PTN: variants seen among roughly 807,000 people sequenced by gnomAD.
The protein encoded by PTN is heparin affin regulatory protein.
PTN carries 18 observed loss-of-function variants against 24.1 expected under a neutral mutation model. The ratio of observed to expected loss-of-function variants is 0.75; its 90% CI spans 0.52 to 1.11. The LOEUF (loss-of-function observed/expected upper bound fraction) is 1.11, where lower values mean the gene tolerates loss of function less well. PTN is among the 50% of genes least tolerant of loss of function. The pLI is 0.00. For missense variants in PTN, 163 were observed against 198.8 expected (o/e 0.82, Z 1.08); for synonymous variants, 78 against 68.6 (o/e 1.14, Z -0.67).
Position 137,255,020 on chromosome 7 carries a change from C to T in PTN, c.-1-46G>A, listed in dbSNP as rs563881027. The T allele has an allele frequency of 3.2e-5, 44 of 1,371,710 alleles. 1 individual carries two copies. The South Asian group carries it at 6.8e-4, about 21-fold the overall frequency. The allele number at this position is 1,371,710 out of a possible 1,614,324, so 85.0% of individuals were successfully genotyped here. On this transcript the variant is annotated intron_variant, in intron 1 of 4. Transcript: ENST00000348225. ...AGAAGAAGGTGGCATTAACCTAAGT[C>T]AGAAAGGAAGATTCATTGAACCCTT...
chr7:137,328,813 T>A (rs542635078), intron 1 of PTN, among the ~76,000 whole-genome samples: 2 of 152,268 alleles, frequency 1.3e-5, no homozygotes, highest in African/African-American at 2.4e-5. Flanking sequence ...AGGAGGGTAA[T>A]CTAACAGCAA....
chr7:137,260,544 T>A (rs1809017145), intron 1 of PTN, among the ~76,000 whole-genome samples: 1 of 152,154 alleles, frequency 6.6e-6, no homozygotes, highest in Admixed American at 6.6e-5. Context: ...AACTGATACA[T>A]CTTTCAATTT....
At chr7:137,262,685 C>T (rs934537085) in intron 1 of PTN, among the ~76,000 whole-genome samples, 1 of 152,108 alleles carries the variant, frequency 6.6e-6, no homozygotes, top group Non-Finnish European at 1.5e-5. Context: ...ATGAGAGGGT[C>T]GTGATTGATT....
rs753374720 is a variant in PTN at position 137,283,952 on chromosome 7, ATTTTTTTTTTTTTTTTT to A, written c.-1-28995_-1-28979del. Among the ~76,000 whole-genome samples, 58 of 48,922 alleles carry A rather than the reference ATTTTTTTTTTTTTTTTT, an allele frequency of 1.2e-3. 5 individuals carry two copies. Among genetic ancestry groups the A allele is most frequent in the Admixed American group, 6.8e-3 (19 of 2,802 alleles). 32.1% of individuals were successfully genotyped at this position (48,922 alleles called of 152,430 possible). A position where few individuals can be genotyped will look rare whatever the true frequency, so the allele number is the denominator to read the frequency against. On this transcript the variant is annotated intron_variant, in intron 1 of 4. Transcript: ENST00000348225. The stretch of plus-strand genomic sequence containing the variant: ...AAATGAATGTGAAAATGAGCATCAG[ATTTTTTTTTTTTTTTTT>A]TTTTTTTTTTTTTTTTTTTGAGATA...
At chr7:137,262,474 T>C (rs1284873420) in intron 1 of PTN, among the ~76,000 whole-genome samples, 1 of 152,160 alleles carries the variant, frequency 6.6e-6, no homozygotes, top group Non-Finnish European at 1.5e-5. Context: ...ATTGTTTTCT[T>C]AGTGTTTTCT....
chr7:137,240,471 C>A (rs897736782), intron 4 of PTN, among the ~76,000 whole-genome samples: 2 of 152,168 alleles, frequency 1.3e-5, no homozygotes, highest in African/African-American at 4.8e-5. Context: ...ATTAATTTAT[C>A]CCTGGTGCTA....
At chr7:137,266,890 T>C (rs1420972530) in intron 1 of PTN, among the ~76,000 whole-genome samples, 1 of 87,722 alleles carries the variant, frequency 1.1e-5, no homozygotes, top group African/African-American at 3.7e-5. Context: ...TTTTTTTTTT[T>C]CCTGTTAGCA....
chr7:137,251,405 A>G lies in PTN; in HGVS notation c.290-14T>C. On this transcript the variant is annotated splice_polypyrimidine_tract_variant and intron_variant, in intron 3 of 4. Coordinates refer to ENST00000348225, the MANE Select transcript of PTN (RefSeq NM_002825.7). The stretch of plus-strand genomic sequence containing the variant: ...ATTTGCACTCCGCTAAAGGCAGGGT[A>G]GAACCAAACAGAAATCCTTGAAAGA... 1 of 1,609,646 alleles carries G rather than the reference A, an allele frequency of 6.2e-7. No individual in the cohort carries two copies. Among genetic ancestry groups the G allele is most frequent in the African/African-American group, 1.3e-5 (1 of 74,948 alleles).
intron 4 of PTN, among the ~76,000 whole-genome samples, chr7:137,238,331 G>T (rs1462628338): frequency 4.6e-5 from 7 of 152,138 alleles, no homozygotes; most frequent in Non-Finnish European, 1.0e-4. Context: ...AGAGCTCTGG[G>T]TTAACAAGTC....
chr7:137,312,650 G>A (rs892638680), intron 1 of PTN, among the ~76,000 whole-genome samples: 5 of 151,974 alleles, frequency 3.3e-5, no homozygotes, highest in African/African-American at 7.3e-5. Flanking sequence ...AACCACTGGA[G>A]AGATTTTCAA....
At chr7:137,233,853 T>G (rs765147744) in intron 4 of PTN, among the ~76,000 whole-genome samples, 9 of 150,750 alleles carry the variant, frequency 6.0e-5, no homozygotes, top group Admixed American at 2.0e-4. Flanking sequence ...CTTGTCTCAT[T>G]TAAAAAGTAT....
At chr7:137,266,261 T>C (rs1226577994) in intron 1 of PTN, among the ~76,000 whole-genome samples, 1 of 152,210 alleles carries the variant, frequency 6.6e-6, no homozygotes, top group Non-Finnish European at 1.5e-5. Context: ...AATTAACGTT[T>C]TAAAACTTGC....
At chr7:137,311,436 A>G (rs573875606) in intron 1 of PTN, among the ~76,000 whole-genome samples, 1 of 152,136 alleles carries the variant, frequency 6.6e-6, no homozygotes, top group African/African-American at 2.4e-5. Flanking sequence ...TTTCCTTTGC[A>G]TTCACAATTT....
At chr7:137,304,140 G>T (rs1217040114) in intron 1 of PTN, among the ~76,000 whole-genome samples, 1 of 151,948 alleles carries the variant, frequency 6.6e-6, no homozygotes, top group Non-Finnish European at 1.5e-5. Flanking sequence ...TGCAAATATT[G>T]TTAACTGACC....
At chr7:137,314,287 T>C (rs926199198) in intron 1 of PTN, among the ~76,000 whole-genome samples, 1 of 152,168 alleles carries the variant, frequency 6.6e-6, no homozygotes, top group Non-Finnish European at 1.5e-5. Flanking sequence ...CTTAGCAGTA[T>C]CATGGATCAT....
At chr7:137,298,347 T>C (rs1289730516) in intron 1 of PTN, among the ~76,000 whole-genome samples, 1 of 152,024 alleles carries the variant, frequency 6.6e-6, no homozygotes, top group Non-Finnish European at 1.5e-5. Flanking sequence ...GAGTTTCTGA[T>C]TAAATATTAA....
intron 1 of PTN, among the ~76,000 whole-genome samples, chr7:137,287,088 C>T (rs997619353): frequency 7.2e-5 from 11 of 152,162 alleles, no homozygotes; most frequent in Non-Finnish European, 1.6e-4. Flanking sequence ...GTTTCATGAA[C>T]GTAATCATCA....
At chr7:137,306,109 T>C (rs1809883978) in intron 1 of PTN, among the ~76,000 whole-genome samples, 2 of 152,116 alleles carry the variant, frequency 1.3e-5, no homozygotes, top group African/African-American at 4.8e-5. Flanking sequence ...GTCCTGGACA[T>C]GTGAGCCAAT....
rs1463825338 is a variant in PTN at position 137,236,218 on chromosome 7, C to T, written c.452-8143G>A. On this transcript the variant is annotated intron_variant, in intron 4 of 4. Transcript: ENST00000348225. The stretch of plus-strand genomic sequence containing the variant: ...CTACCATCTTCTCAAACTCTCCCCA[C>T]TCCTGTGTCTCCATTTTCCCTTCTC... 7 of 702,480 alleles carry T rather than the reference C, an allele frequency of 1.0e-5. No individual in the cohort carries two copies. In the East Asian group the frequency reaches 1.9e-4, roughly 19 times the overall value. The allele number at this position is 702,480 out of a possible 1,614,324, so 43.5% of individuals were successfully genotyped here. A position where few individuals can be genotyped will look rare whatever the true frequency, so the allele number is the denominator to read the frequency against.
Sources: allele counts gnomAD v4.1 joint callset (sites outside exome capture counted in the v4.1 genomes callset), GRCh38; gene constraint gnomAD v4.1.1; transcripts MANE v1.5; gene names NCBI Gene and HGNC (gene_info 2026-07-23, HGNC 2026-07-21).